MCTP1: variants seen among roughly 807,000 people sequenced by gnomAD.
MCTP1 encodes the protein multiple C2 and transmembrane domain containing 1.
A neutral mutation model predicts 120.6 loss-of-function variants in MCTP1; 69 were observed. That is an observed-to-expected ratio of 0.57 (90% CI 0.47 to 0.70). The LOEUF is 0.70. Among genes scored for constraint, MCTP1 ranks in the 30% least tolerant of loss-of-function variants. MCTP1 has a pLI of 0.00. For synonymous variants in MCTP1, 529 were observed against 493.1 expected (o/e 1.07, Z -0.96); for missense variants, 1,203 against 1,248.8 (o/e 0.96, Z 0.55).
intron 1 of MCTP1, among the ~76,000 whole-genome samples, chr5:95,127,660 C>A (rs1033466275): frequency 6.6e-6 from 1 of 152,052 alleles, no homozygotes; most frequent in Non-Finnish European, 1.5e-5. Context: ...GGAAAAAGAA[C>A]CGGGGAAGGA....
chr5:95,182,108 T>C (rs1436356499), intron 1 of MCTP1, among the ~76,000 whole-genome samples: 1 of 152,214 alleles, frequency 6.6e-6, no homozygotes, highest in Non-Finnish European at 1.5e-5. Flanking sequence ...GATACTGGCA[T>C]CATTTGAGAA....
At chr5:94,993,166 A>G (rs570197723) in intron 2 of MCTP1, among the ~76,000 whole-genome samples, 1 of 152,192 alleles carries the variant, frequency 6.6e-6, no homozygotes. Flanking sequence ...TTAAACATAC[A>G]ATGTTTGTAG....
chr5:95,099,760 A>C (rs1756575783), intron 1 of MCTP1, among the ~76,000 whole-genome samples: 1 of 151,380 alleles, frequency 6.6e-6, no homozygotes, highest in Non-Finnish European at 1.5e-5. Flanking sequence ...TGACCCAGCC[A>C]TCCCATTACT....
At chr5:95,008,329 T>G (rs1431377181) in intron 2 of MCTP1, among the ~76,000 whole-genome samples, 5 of 152,250 alleles carry the variant, frequency 3.3e-5, no homozygotes, top group African/African-American at 4.8e-5. Context: ...AAACCCTATA[T>G]CTTAACCCCC....
At chr5:94,708,285 C>T in intron 22 of MCTP1, 1 of 337,996 alleles carries the variant, frequency 3.0e-6, no homozygotes, top group Non-Finnish European at 5.4e-6. Context: ...TCCCTGACAG[C>T]TCTGGTAGGT....
chr5:94,970,842 C>T (rs1394947742), intron 2 of MCTP1, among the ~76,000 whole-genome samples: 2 of 147,484 alleles, frequency 1.4e-5, no homozygotes, highest in South Asian at 2.2e-4. Flanking sequence ...TATTACGCCT[C>T]TTCAATCCTT....
chr5:95,204,148 T>C (rs1284334080), intron 1 of MCTP1, among the ~76,000 whole-genome samples: 4 of 152,164 alleles, frequency 2.6e-5, no homozygotes, highest in African/African-American at 9.7e-5. Flanking sequence ...AGAAAGCCTT[T>C]TAAAAAGCGA....
At chr5:95,269,304 T>A (rs1759170953) in intron 1 of MCTP1, among the ~76,000 whole-genome samples, 1 of 152,172 alleles carries the variant, frequency 6.6e-6, no homozygotes, top group Admixed American at 6.5e-5. Flanking sequence ...ACAAAACAAC[T>A]AGATGTTCAG....
chr5:94,721,837 CTG>C (rs1470966711), intron 19 of MCTP1, among the ~76,000 whole-genome samples: 2 of 75,584 alleles, frequency 2.6e-5, no homozygotes, highest in Admixed American at 1.8e-4. Context: ...GGTAGTGACA[CTG>C]TTTTGTTTTT....
At chr5:94,933,776 A>T (rs1457523148) in intron 5 of MCTP1, among the ~76,000 whole-genome samples, 3 of 152,038 alleles carry the variant, frequency 2.0e-5, no homozygotes, top group East Asian at 1.9e-4. Flanking sequence ...CAAGGATTCC[A>T]CAAAGTCACA....
At chr5:95,136,831 C>T (rs1430136820) in intron 1 of MCTP1, among the ~76,000 whole-genome samples, 2 of 152,204 alleles carry the variant, frequency 1.3e-5, no homozygotes, top group African/African-American at 4.8e-5. Flanking sequence ...GCAATAGTCA[C>T]TACATCTTCC....
chr5:95,263,175 T>C (rs1758612240), intron 1 of MCTP1, among the ~76,000 whole-genome samples: 1 of 152,232 alleles, frequency 6.6e-6, no homozygotes, highest in South Asian at 2.1e-4. Flanking sequence ...ATGTCACTAA[T>C]GGGAGTTGGT....
At chr5:94,805,730 G>A (rs1391956478) in intron 17 of MCTP1, among the ~76,000 whole-genome samples, 2 of 151,178 alleles carry the variant, frequency 1.3e-5, no homozygotes, top group Non-Finnish European at 2.9e-5. Flanking sequence ...AGACTGGGAG[G>A]GCAGGGACTA....
intron 1 of MCTP1, among the ~76,000 whole-genome samples, chr5:95,229,354 T>G (rs936908788): frequency 6.6e-6 from 1 of 152,232 alleles, no homozygotes; most frequent in Admixed American, 6.5e-5. Flanking sequence ...CCAACTCGAT[T>G]AGTTTTCTAC....
At chr5:94,871,065 CA>C in intron 14 of MCTP1, 92 bp from the exon 15 acceptor site, 2 of 1,025,896 alleles carry the variant, frequency 1.9e-6, no homozygotes, top group Non-Finnish European at 3.0e-6. Context: ...CTGAAACTGA[CA>C]GAGAACCCAA....
At chr5:95,123,404 C>A (rs1758383823) in intron 1 of MCTP1, among the ~76,000 whole-genome samples, 1 of 152,130 alleles carries the variant, frequency 6.6e-6, no homozygotes, top group South Asian at 2.1e-4. Context: ...TCATTGCAGG[C>A]CTCTCCTTAA....
intron 2 of MCTP1, among the ~76,000 whole-genome samples, chr5:94,966,925 C>A (rs939303078): frequency 1.3e-5 from 2 of 152,166 alleles, no homozygotes; most frequent in Non-Finnish European, 2.9e-5. Context: ...AGTGTTGTTA[C>A]AATGATCTAT....
intron 1 of MCTP1, among the ~76,000 whole-genome samples, chr5:95,045,635 G>A (rs1317938365): frequency 6.6e-6 from 1 of 152,122 alleles, no homozygotes; most frequent in Non-Finnish European, 1.5e-5. Context: ...AGTGAAAGGG[G>A]TCTGGCGTCA....
intron 5 of MCTP1, among the ~76,000 whole-genome samples, chr5:94,937,507 CTTCT>C (rs1193116139): frequency 1.3e-5 from 2 of 152,044 alleles, no homozygotes; most frequent in African/African-American, 4.8e-5. Flanking sequence ...CACCTACTTT[CTTCT>C]TTATTTGTGT....
Sources: gnomAD v4.1 joint callset for allele counts (sites outside exome capture counted in the v4.1 genomes callset) on GRCh38, gnomAD v4.1.1 for gene constraint, MANE v1.5 for transcripts, NCBI Gene and HGNC (gene_info 2026-07-23, HGNC 2026-07-21) for gene names.